The following CACNB2 variants were observed in gnomAD, a reference collection of about 807,000 sequenced individuals.
CACNB2 encodes calcium voltage-gated channel auxiliary subunit beta 2, also known as voltage-dependent L-type calcium channel subunit beta-2.
CACNB2 carries 42 observed loss-of-function variants against 73.3 expected under a neutral mutation model. That is an observed-to-expected ratio of 0.57 (90% CI 0.45 to 0.74). The LOEUF (loss-of-function observed/expected upper bound fraction) is 0.74, where lower values mean the gene tolerates loss of function less well. Among genes scored for constraint, CACNB2 ranks in the 30% least tolerant of loss-of-function variants. The probability of loss-of-function intolerance (pLI) is 0.00; values close to 1 mark genes in which losing one functional copy is unlikely to be tolerated. For missense variants in CACNB2, 940 were observed against 853.0 expected, an observed-to-expected ratio of 1.10 and a Z score of -1.27; for synonymous variants, 348 against 310.3, an observed-to-expected ratio of 1.12 and a Z score of -1.28.
At chr10:18,288,090 G>A (rs1188622947) in intron 2 of CACNB2, among the ~76,000 whole-genome samples, 1 of 152,144 alleles carries the variant, frequency 6.6e-6, no homozygotes, top group Non-Finnish European at 1.5e-5. Context: ...AAGGACACCA[G>A]TCATATTGGA....
At chr10:18,387,708 G>A (rs573950251) in intron 2 of CACNB2, among the ~76,000 whole-genome samples, 14 of 151,872 alleles carry the variant, frequency 9.2e-5, no homozygotes, top group African/African-American at 3.4e-4. Flanking sequence ...GGTCACCCTC[G>A]TGCAAGTCAA....
intron 5 of CACNB2, among the ~76,000 whole-genome samples, chr10:18,504,798 C>A (rs1564627636): frequency 6.6e-6 from 1 of 152,120 alleles, no homozygotes; most frequent in Non-Finnish European, 1.5e-5. Context: ...GCATGCACCA[C>A]CACGCCCAGC....
Position 18,390,332 on chromosome 10 carries a change from C to G in CACNB2, c.214-11592C>G, listed in dbSNP as rs111293056. Among the ~76,000 whole-genome samples, 419 of 152,354 alleles carry G rather than the reference C, an allele frequency of 2.8e-3. 3 individuals are homozygous for G. Among genetic ancestry groups the G allele is most frequent in the African/African-American group, 9.6e-3 (401 of 41,582 alleles). On this transcript the variant is annotated intron_variant, in intron 2 of 13. Transcript: ENST00000324631. ...AGTTCAAGTGATTCTTCTGCCTCAG[C>G]CTCCCGAGTACCTGGGACTACAGGC...
intron 2 of CACNB2, chr10:18,401,108 C>T: frequency 5.6e-6 from 9 of 1,614,158 alleles, no homozygotes; most frequent in Non-Finnish European, 7.6e-6. Flanking sequence ...TGTGTAAGCG[C>T]AAGGGCTTTC....
rs543153998 is a variant in CACNB2 at position 18,461,882 on chromosome 10, G to A, written c.334-36473G>A. ...CTATCCTTTGGCACTCGAGGAGGGA[G>A]TTTATCCAGTATCTGATAAGACATA... On this transcript the variant is annotated intron_variant, in intron 3 of 13. Transcript: ENST00000324631. 7.9e-5 allele frequency among the ~76,000 whole-genome samples: 12 copies of A among 151,482 alleles called. No homozygotes were observed. In the South Asian group the frequency reaches 1.7e-3, roughly 21 times the overall value.
intron 5 of CACNB2, among the ~76,000 whole-genome samples, chr10:18,502,164 G>A (rs1270887359): frequency 6.6e-6 from 1 of 152,094 alleles, no homozygotes; most frequent in African/African-American, 2.4e-5. Context: ...AAAATTAGCT[G>A]GGCATGGTGG....
At chr10:18,522,291 AAAGTACACAATAAAT>A in intron 9 of CACNB2, among the ~76,000 whole-genome samples, 1 of 152,090 alleles carries the variant, frequency 6.6e-6, no homozygotes, top group African/African-American at 2.4e-5. Context: ...TAATAGAAAG[AAAGTACACAATAAAT>A]GTAATGTGCC....
At chr10:18,217,257 G>C (rs771802704) in intron 2 of CACNB2, among the ~76,000 whole-genome samples, 5 of 152,130 alleles carry the variant, frequency 3.3e-5, no homozygotes, top group Non-Finnish European at 7.3e-5. Flanking sequence ...GCCGAGGCTG[G>C]TGGATCACCT....
At chr10:18,354,208 A>G (rs2041823405) in intron 2 of CACNB2, among the ~76,000 whole-genome samples, 1 of 152,180 alleles carries the variant, frequency 6.6e-6, no homozygotes, top group Non-Finnish European at 1.5e-5. Context: ...AAAATAGCAA[A>G]GCACTGTATG....
intron 2 of CACNB2, among the ~76,000 whole-genome samples, chr10:18,336,373 C>T (rs1219589922): frequency 6.6e-6 from 1 of 152,190 alleles, no homozygotes; most frequent in African/African-American, 2.4e-5. Context: ...TAATCCCACA[C>T]TTTGGGAGGC....
chr10:18,436,640 A>G (rs992564270), intron 3 of CACNB2, among the ~76,000 whole-genome samples: 13 of 152,186 alleles, frequency 8.5e-5, no homozygotes, highest in Non-Finnish European at 1.5e-4. Flanking sequence ...TTTTAACTCA[A>G]AAGCACCTGA....
intron 2 of CACNB2, among the ~76,000 whole-genome samples, chr10:18,242,575 C>T (rs2036697203): frequency 6.6e-6 from 1 of 152,044 alleles, no homozygotes; most frequent in Non-Finnish European, 1.5e-5. Flanking sequence ...AATGAAGAAT[C>T]AAAACATCAC....
intron 2 of CACNB2, among the ~76,000 whole-genome samples, chr10:18,201,458 A>T: frequency 6.6e-6 from 1 of 152,184 alleles, no homozygotes; most frequent in African/African-American, 2.4e-5. Context: ...TATTTTTAGT[A>T]GAGATGGGGT....
intron 2 of CACNB2, among the ~76,000 whole-genome samples, chr10:18,208,971 G>A (rs1465982005): frequency 6.6e-6 from 1 of 152,164 alleles, no homozygotes; most frequent in African/African-American, 2.4e-5. Flanking sequence ...TTTGATGACT[G>A]TAAAATCGCT....
chr10:18,538,028 C>CTAAAT lies in CACNB2; in HGVS notation c.1303-151_1303-147dup, dbSNP rs1297604422. Reference sequence around the variant, plus strand: ...TTTGAGGTAGTCAGACACTTCCTAACTAAATAAAAAGGGAGATAGTAGCAG... The same window carrying CTAAAT: ...TTTGAGGTAGTCAGACACTTCCTAACTAAATTAAATAAAAAGGGAGATAGTAGCAG... On this transcript the variant is annotated intron_variant, in intron 12 of 13. Transcript: ENST00000324631. 6.6e-6 allele frequency: 5 copies of CTAAAT among 760,890 alleles called. No individual in the cohort carries two copies. The African/African-American group carries it at 8.6e-5, about 13-fold the overall frequency. 47.1% of individuals were successfully genotyped at this position (760,890 alleles called of 1,614,324 possible).
At chr10:18,509,394 G>A (rs2050649781) in intron 6 of CACNB2, among the ~76,000 whole-genome samples, 1 of 152,230 alleles carries the variant, frequency 6.6e-6, no homozygotes, top group Non-Finnish European at 1.5e-5. Context: ...GGGCATTGGT[G>A]TCATAGCCAG....
intron 3 of CACNB2, among the ~76,000 whole-genome samples, chr10:18,496,340 A>C (rs1325836222): frequency 6.6e-6 from 1 of 152,150 alleles, no homozygotes; most frequent in Non-Finnish European, 1.5e-5. Context: ...AGGGATCTTA[A>C]GTCAGTCTTA....
chr10:18,543,308 T>C lies in CACNB2; in HGVS notation c.*3584T>C, dbSNP rs2054141847. 6.6e-6 allele frequency: 1 copy of C among 152,138 alleles called. No homozygotes were observed. Among genetic ancestry groups the C allele is most frequent in the South Asian group, 2.1e-4 (1 of 4,828 alleles). 9.4% of individuals were successfully genotyped at this position (152,138 alleles called of 1,614,324 possible). A position where few individuals can be genotyped will look rare whatever the true frequency, so the allele number is the denominator to read the frequency against. ...TATTATGTCTGATTAAAAAAAAAGA[T>C]ACCTCCACGTAGATAAAATATTTTA... On this transcript the variant is annotated 3_prime_UTR_variant, in exon 14 of 14. Transcript: ENST00000324631.
intron 2 of CACNB2, among the ~76,000 whole-genome samples, chr10:18,236,008 T>A (rs2036429310): frequency 1.3e-5 from 2 of 152,178 alleles, no homozygotes; most frequent in Non-Finnish European, 2.9e-5. Context: ...CCATGTAACA[T>A]GGCTGTTTTC....
Sources: gnomAD v4.1 joint callset for allele counts (sites outside exome capture counted in the v4.1 genomes callset) on GRCh38, gnomAD v4.1.1 for gene constraint, MANE v1.5 for transcripts, NCBI Gene and HGNC (gene_info 2026-07-23, HGNC 2026-07-21) for gene names.